DCAF5: variants seen among roughly 807,000 people sequenced by gnomAD.
DCAF5 encodes DDB1- and CUL4-associated factor 5.
Under a neutral mutation model 80.7 loss-of-function variants are expected in DCAF5, and 9 were observed. The observed-to-expected ratio is 0.11, with a 90% CI of 0.07 to 0.19. The LOEUF (loss-of-function observed/expected upper bound fraction) is 0.19. Ranked by LOEUF, DCAF5 falls within the 10% of genes least tolerant of loss-of-function variation. DCAF5 has a pLI of 1.00. For missense variants in DCAF5, 842 were observed against 1,205.7 expected (o/e 0.70, Z 4.47); for synonymous variants, 433 against 461.9 (o/e 0.94, Z 0.80).
At position 69,152,984 on chromosome 14, in the gene DCAF5, A is replaced by C; in HGVS notation, c.-6T>G. 1 of 1,560,272 alleles carries C rather than the reference A, an allele frequency of 6.4e-7. No individual in the cohort carries two copies. Among genetic ancestry groups the C allele is most frequent in the South Asian group, 1.2e-5 (1 of 86,080 alleles). Reference sequence around the variant, plus strand: ...AGGCCAGCTCTCCTCTTCATGCTGGAACCGCCGCCGCCGCCGCTCGCGCCG... The same window carrying C: ...AGGCCAGCTCTCCTCTTCATGCTGGCACCGCCGCCGCCGCCGCTCGCGCCG... On this transcript the variant is annotated 5_prime_UTR_variant, in exon 1 of 9. Transcript: ENST00000341516. The surrounding 1 kb of genome is among the most constrained non-coding windows in gnomAD (Gnocchi z 4.1).
chr14:69,060,601 G>T (rs1462297253), intron 8 of DCAF5, among the ~76,000 whole-genome samples: 1 of 151,684 alleles, frequency 6.6e-6, no homozygotes, highest in Non-Finnish European at 1.5e-5. Context: ...GCACAATCTT[G>T]GCTCACTACA....
At position 69,054,131 on chromosome 14, in the gene DCAF5, C is replaced by T. The variant is rs1267477524; in HGVS notation, c.2555G>A (p.Gly852Glu). 1.9e-6 allele frequency: 3 copies of T among 1,614,250 alleles called. No homozygotes were observed. The highest frequency in any genetic ancestry group is 4.5e-5 in the East Asian group (2 of 44,886). The change falls in exon 9 of 9, where the codon GGG becomes GAG. Residue 852 changes from glycine (G) to glutamate (E), a missense_variant. Coordinates refer to ENST00000341516, the MANE Select transcript of DCAF5 (RefSeq NM_003861.3). ...PHPHNNGQNLGELEVVAYSSP... is the reference protein window; with the variant it reads ...PHPHNNGQNLEELEVVAYSSP... Reference sequence around the variant, plus strand: ...AGAGTAGGCCACCACCTCCAGCTCCCCCAAGTTCTGCCCGTTATTGTGAGG... The same window carrying T: ...AGAGTAGGCCACCACCTCCAGCTCCTCCAAGTTCTGCCCGTTATTGTGAGG...
intron 5 of DCAF5, among the ~76,000 whole-genome samples, chr14:69,109,138 G>A (rs926678421): frequency 6.6e-6 from 1 of 151,884 alleles, no homozygotes; most frequent in Non-Finnish European, 1.5e-5. Context: ...TCAGGAGATT[G>A]AGACCATCCT....
chr14:69,061,181 C>G (rs2038202729), intron 8 of DCAF5, among the ~76,000 whole-genome samples: 1 of 151,648 alleles, frequency 6.6e-6, no homozygotes, highest in Non-Finnish European at 1.5e-5. Flanking sequence ...TTGTAGAGAC[C>G]ACGTCCCACT....
At chr14:69,124,309 G>C (rs186283451) in intron 1 of DCAF5, among the ~76,000 whole-genome samples, 1 of 152,122 alleles carries the variant, frequency 6.6e-6, no homozygotes, top group Admixed American at 6.5e-5. Context: ...ATAACTTTTT[G>C]AGTCCCTCCT....
chr14:69,141,084 A>G (rs933377991), intron 1 of DCAF5, among the ~76,000 whole-genome samples: 1 of 144,882 alleles, frequency 6.9e-6, no homozygotes, highest in African/African-American at 2.5e-5. Context: ...CAGTGAGCTG[A>G]GATCACGCCA....
chr14:69,146,196 G>A (rs910291210), intron 1 of DCAF5, among the ~76,000 whole-genome samples: 2 of 152,082 alleles, frequency 1.3e-5, no homozygotes, highest in African/African-American at 4.8e-5. Context: ...AAAACACATT[G>A]GCATAAATCA....
intron 1 of DCAF5, among the ~76,000 whole-genome samples, chr14:69,148,101 G>A (rs1331666097): frequency 1.5e-4 from 9 of 61,408 alleles, no homozygotes; most frequent in Non-Finnish European, 2.6e-4. Context: ...CATTTTCTTC[G>A]CAAAAAAAAA....
At chr14:69,059,504 C>T (rs2038119550) in intron 8 of DCAF5, among the ~76,000 whole-genome samples, 1 of 152,160 alleles carries the variant, frequency 6.6e-6, no homozygotes, top group Non-Finnish European at 1.5e-5. Context: ...ACAAGGCACT[C>T]CTGGGTGGTA....
At chr14:69,141,229 C>T (rs1346858476) in intron 1 of DCAF5, among the ~76,000 whole-genome samples, 1 of 149,198 alleles carries the variant, frequency 6.7e-6, no homozygotes, top group Non-Finnish European at 1.5e-5. Context: ...CTACTAGAGG[C>T]ATCCCATAGT....
Position 69,053,897 on chromosome 14 carries a change from T to G in DCAF5, c.2789A>C (p.Asp930Ala), listed in dbSNP as rs1267037363. The G allele has an allele frequency of 6.2e-7, 1 of 1,611,010 alleles. No homozygotes were observed. Among genetic ancestry groups the G allele is most frequent in the East Asian group, 2.2e-5 (1 of 44,894 alleles). Residue 930 changes from aspartate to alanine, a missense_variant, in exon 9 of 9, where the codon GAT becomes GCT. Asp to Ala is a moderately radical substitution (Grantham distance 126). Transcript: ENST00000341516. ...CTTCTCTGAGGAGGAATTCTCTGAA[T>G]CTGTATCTTCCAATTCAATTCGTTG... ...KRQRIELEDT[D>A]SENSSSEKKL...
chr14:69,140,889 G>C (rs997929887), intron 1 of DCAF5, among the ~76,000 whole-genome samples: 30 of 152,008 alleles, frequency 2.0e-4, no homozygotes, highest in African/African-American at 7.3e-4. Flanking sequence ...GGCTGAGGCG[G>C]GCAGATCACC....
At chr14:69,102,226 A>G (rs1463392323) in intron 5 of DCAF5, among the ~76,000 whole-genome samples, 1 of 149,362 alleles carries the variant, frequency 6.7e-6, no homozygotes, top group Non-Finnish European at 1.5e-5. Flanking sequence ...CTCCTGCTTC[A>G]GCCTCCTGAG....
At chr14:69,124,715 T>C (rs1330164893) in intron 1 of DCAF5, among the ~76,000 whole-genome samples, 3 of 152,230 alleles carry the variant, frequency 2.0e-5, no homozygotes, top group Non-Finnish European at 2.9e-5. Context: ...TTTGTCACTT[T>C]ATTTTAATGA....
chr14:69,093,387 G>A (rs545713493), intron 5 of DCAF5, among the ~76,000 whole-genome samples: 2 of 152,154 alleles, frequency 1.3e-5, no homozygotes, highest in Admixed American at 1.3e-4. Context: ...CCTGAAAAGG[G>A]CCTCAAGATG....
chr14:69,064,794 T>C (rs2038366902), intron 7 of DCAF5, among the ~76,000 whole-genome samples: 1 of 152,208 alleles, frequency 6.6e-6, no homozygotes, highest in Non-Finnish European at 1.5e-5. Flanking sequence ...TTACCTACTC[T>C]TGCATACCTA....
At position 69,067,771 on chromosome 14, in the gene DCAF5, G is replaced by C. The variant is rs1453080542; in HGVS notation, c.947-5260C>G. ...CCTGCCTCAGCCTCCCGAGTAGCTG[G>C]GACTACTGGCACGCACCACCAAGCC... is the stretch of plus-strand genomic sequence containing the variant. On this transcript the variant is annotated intron_variant, in intron 7 of 8. Transcript: ENST00000341516. 2.0e-5 allele frequency among the ~76,000 whole-genome samples: 3 copies of C among 151,826 alleles called. No individual in the cohort carries two copies. The East Asian group carries it at 5.8e-4, about 29-fold the overall frequency.
chr14:69,067,337 C>CTTTTTTT (rs58620965), intron 7 of DCAF5, among the ~76,000 whole-genome samples: 18 of 115,118 alleles, frequency 1.6e-4, no homozygotes, highest in African/African-American at 3.1e-4. Flanking sequence ...GATTTCGTAT[C>CTTTTTTT]TTTTTTTTTT....
intron 5 of DCAF5, among the ~76,000 whole-genome samples, chr14:69,095,564 C>T (rs975367354): frequency 2.6e-5 from 4 of 151,890 alleles, no homozygotes; most frequent in Non-Finnish European, 5.9e-5. Flanking sequence ...CACACACACA[C>T]AAAAACCACT....
Sources: gnomAD v4.1 joint callset for allele counts (sites outside exome capture counted in the v4.1 genomes callset) on GRCh38, gnomAD v4.1.1 for gene constraint, Gnocchi (gnomAD v3.1) non-coding constraint, MANE v1.5 for transcripts, NCBI Gene and HGNC (gene_info 2026-07-23, HGNC 2026-07-21) for gene names.